Variants in ZFP64 observed in about 807,000 individuals in gnomAD.
ZFP64 encodes zinc finger protein 64.
ZFP64 carries 14 observed loss-of-function variants against 51.6 expected under a neutral mutation model. That is an observed-to-expected ratio of 0.27 (90% confidence interval 0.18 to 0.42). The LOEUF is 0.42. ZFP64 is among the 10% of genes least tolerant of loss of function. The probability of loss-of-function intolerance (pLI) is 1.00; values close to 1 mark genes in which losing one functional copy is unlikely to be tolerated. For missense variants in ZFP64, 754 were observed against 906.8 expected (o/e 0.83, Z 2.16); for synonymous variants, 375 against 361.4 (o/e 1.04, Z -0.43).
intron 5 of ZFP64, among the ~76,000 whole-genome samples, chr20:52,109,420 C>T (rs1404139141): frequency 6.6e-6 from 1 of 152,042 alleles, no homozygotes; most frequent in African/African-American, 2.4e-5. Flanking sequence ...CCTCGGCCTC[C>T]CAAAGTGCTG....
At chr20:52,090,078 C>T (rs1311110282) in intron 7 of ZFP64, among the ~76,000 whole-genome samples, 1 of 152,156 alleles carries the variant, frequency 6.6e-6, no homozygotes, top group Non-Finnish European at 1.5e-5. Context: ...GACACGAAAG[C>T]TCGTTCTAGA....
At chr20:52,102,699 T>A (rs1251593224) in intron 5 of ZFP64, among the ~76,000 whole-genome samples, 1 of 152,208 alleles carries the variant, frequency 6.6e-6, no homozygotes, top group African/African-American at 2.4e-5. Flanking sequence ...GGAAACCAGC[T>A]GATAAGTTTC....
intron 2 of ZFP64, among the ~76,000 whole-genome samples, chr20:52,185,663 C>T (rs973003969): frequency 7.9e-5 from 12 of 151,088 alleles, no homozygotes; most frequent in African/African-American, 2.4e-4. Flanking sequence ...TCAATGCAAC[C>T]TCTGCCTCCT....
chr20:52,139,672 A>G (rs1600743371), intron 5 of ZFP64, among the ~76,000 whole-genome samples: 2 of 152,142 alleles, frequency 1.3e-5, no homozygotes, highest in African/African-American at 4.8e-5. Flanking sequence ...AAAACAAAAC[A>G]AAATAAAGAA....
At chr20:52,180,756 G>A (rs1983557355) in intron 2 of ZFP64, among the ~76,000 whole-genome samples, 1 of 152,068 alleles carries the variant, frequency 6.6e-6, no homozygotes, top group African/African-American at 2.4e-5. Context: ...AACCATCAGA[G>A]ATGAGTTCTA....
Position 52,152,535 on chromosome 20 carries a change from G to C in ZFP64, c.1657C>G (p.Gln553Glu). ...GCCTCGCTCGGACACCGCGAGGACT[G>C]AGGGGGGGCGATCAGACTGACCTGG... ...LRQVSLIAPP[Q>E]SSRCPSEAGA... is the part of the protein sequence containing the mutation. Residue 553 changes from glutamine (Q) to glutamate (E), a missense_variant, in exon 6 of 6, where the codon CAG (glutamine) becomes GAG (glutamate). Coordinates refer to ENST00000216923, the MANE Select transcript of ZFP64 (RefSeq NM_018197.3). The C allele has an allele frequency of 6.3e-7, 1 of 1,588,878 alleles. No homozygotes were observed.
intron 6 of ZFP64, chr20:52,097,489 C>G: frequency 1.5e-6 from 2 of 1,326,346 alleles, no homozygotes; most frequent in Non-Finnish European, 1.0e-6. Flanking sequence ...GAGTTTTGCT[C>G]TGTCGCCCAG....
chr20:52,176,432 C>A (rs1425838979), intron 2 of ZFP64, among the ~76,000 whole-genome samples: 2 of 152,026 alleles, frequency 1.3e-5, no homozygotes, highest in African/African-American at 4.8e-5. Flanking sequence ...GCCTTCCCAG[C>A]ATTTCCAACA....
chr20:52,088,249 A>C, intron 8 of ZFP64: 1 of 1,349,644 alleles, frequency 7.4e-7, no homozygotes, highest in Non-Finnish European at 1.0e-6. Flanking sequence ...GAAAAATGAC[A>C]AATCTCACAA....
intron 5 of ZFP64, chr20:52,104,943 G>A (rs373451813): frequency 2.8e-6 from 2 of 707,150 alleles, no homozygotes; most frequent in Non-Finnish European, 2.4e-6. Context: ...AGGGGACGGT[G>A]GACTCCAGGA....
intron 2 of ZFP64, among the ~76,000 whole-genome samples, chr20:52,173,780 C>T (rs1982947906): frequency 6.6e-6 from 1 of 151,930 alleles, no homozygotes; most frequent in Admixed American, 6.6e-5. Flanking sequence ...TCCTGAGTGG[C>T]TGGGACTAAA....
downstream of ZFP64, among the ~76,000 whole-genome samples, chr20:52,149,826 A>G (rs1311726779): frequency 6.6e-6 from 1 of 152,230 alleles, no homozygotes; most frequent in Non-Finnish European, 1.5e-5. Flanking sequence ...AAGGATACAA[A>G]AGGAAATATA....
At chr20:52,142,379 C>T (rs1406509148) in intron 5 of ZFP64, among the ~76,000 whole-genome samples, 1 of 74,836 alleles carries the variant, frequency 1.3e-5, no homozygotes, top group African/African-American at 4.2e-5. Context: ...CACACACAGA[C>T]ACACACACAC....
At chr20:52,144,315 C>G (rs62215762) in intron 5 of ZFP64, among the ~76,000 whole-genome samples, 44,632 of 140,254 alleles carry the variant, frequency 0.32, 11,308 homozygotes, top group Middle Eastern at 0.34. Context: ...CATGGTGGCT[C>G]ACACCTACAA....
At chr20:52,114,556 G>C (rs953203125) in intron 5 of ZFP64, among the ~76,000 whole-genome samples, 3 of 152,188 alleles carry the variant, frequency 2.0e-5, no homozygotes, top group Non-Finnish European at 4.4e-5. Context: ...TGTTCCCACT[G>C]TTCTTTTCAC....
chr20:52,186,921 G>T lies in ZFP64; in HGVS notation c.197C>A (p.Thr66Lys), dbSNP rs758339619. ...LTGTSAAAPSTVQFVSEETVP... is the reference protein window; with the variant it reads ...LTGTSAAAPSKVQFVSEETVP... ...TGTTTCCTCCGATACAAACTGGACC[G>T]TGCTGGGGGCTGCTGCGGATGTGCC... The change falls in exon 2 of 6, where the codon ACG (threonine) becomes AAG (lysine). Residue 66 changes from threonine (T) to lysine (K), a missense_variant. Coordinates refer to ENST00000216923, the MANE Select transcript of ZFP64 (RefSeq NM_018197.3). The T allele has an allele frequency of 3.1e-6, 5 of 1,614,108 alleles. No individual in the cohort carries two copies. The highest frequency in any genetic ancestry group is 4.2e-6 in the Non-Finnish European group (5 of 1,179,988).
chr20:52,175,592 C>T (rs1983125113), intron 2 of ZFP64, among the ~76,000 whole-genome samples: 1 of 152,230 alleles, frequency 6.6e-6, no homozygotes, highest in South Asian at 2.1e-4. Context: ...CGCCTGTAAT[C>T]CCAGCACTGT....
chr20:52,145,019 A>G (rs1181275329), intron 5 of ZFP64, among the ~76,000 whole-genome samples: 1 of 152,220 alleles, frequency 6.6e-6, no homozygotes, highest in Non-Finnish European at 1.5e-5. Context: ...AAGATAACAG[A>G]ACAGATAATT....
intron 7 of ZFP64, chr20:52,088,930 G>A (rs756487662): frequency 1.7e-5 from 10 of 595,364 alleles, no homozygotes; most frequent in Non-Finnish European, 3.2e-5. Flanking sequence ...GAAGTACTCA[G>A]GATAAGAAGT....
Sources: allele counts gnomAD v4.1 joint callset (sites outside exome capture counted in the v4.1 genomes callset), GRCh38; gene constraint gnomAD v4.1.1; transcripts MANE v1.5; gene names NCBI Gene and HGNC (gene_info 2026-07-23, HGNC 2026-07-21).